MYO3B: variants seen among roughly 807,000 people sequenced by gnomAD.
MYO3B encodes the protein myosin IIIB, also known as myosin-IIIb.
MYO3B carries 156 observed loss-of-function variants against 174.6 expected under a neutral mutation model. The observed-to-expected ratio is 0.89, with a 90% CI of 0.78 to 1.02. MYO3B has a LOEUF of 1.02. Ranked by LOEUF, MYO3B falls within the 50% of genes least tolerant of loss-of-function variation. MYO3B has a pLI of 0.00. For missense variants in MYO3B, 1,632 were observed against 1,639.4 expected (o/e 1.00, Z 0.08); for synonymous variants, 563 against 569.1 (o/e 0.99, Z 0.15).
chr2:170,484,262 A>G (rs1685884812), intron 25 of MYO3B, among the ~76,000 whole-genome samples: 1 of 152,226 alleles, frequency 6.6e-6, no homozygotes, highest in Admixed American at 6.5e-5. Context: ...ACTAGCTCAA[A>G]GTTACACAGA....
At chr2:170,394,088 T>C (rs929658100) in intron 16 of MYO3B, among the ~76,000 whole-genome samples, 1 of 152,216 alleles carries the variant, frequency 6.6e-6, no homozygotes, top group African/African-American at 2.4e-5. Context: ...TTAATAATCA[T>C]TAACAGAGTT....
chr2:170,201,352 C>G (rs1285104863), intron 3 of MYO3B, among the ~76,000 whole-genome samples: 1 of 152,198 alleles, frequency 6.6e-6, no homozygotes, highest in Non-Finnish European at 1.5e-5. Flanking sequence ...TCTGAGGTCA[C>G]GTAGGTGACC....
intron 23 of MYO3B, among the ~76,000 whole-genome samples, chr2:170,457,108 C>T (rs1260152496): frequency 6.6e-6 from 1 of 152,134 alleles, no homozygotes; most frequent in East Asian, 1.9e-4. Flanking sequence ...AGTGCACTTA[C>T]CATGAATGGA....
chr2:170,298,325 A>G (rs1332424526), intron 7 of MYO3B, among the ~76,000 whole-genome samples: 1 of 152,086 alleles, frequency 6.6e-6, no homozygotes, highest in Non-Finnish European at 1.5e-5. Flanking sequence ...GCAGGAAGTG[A>G]GAATAATGTG....
chr2:170,295,286 C>A (rs963978216), intron 7 of MYO3B, among the ~76,000 whole-genome samples: 2 of 151,732 alleles, frequency 1.3e-5, no homozygotes, highest in Non-Finnish European at 2.9e-5. Context: ...TTTTTGGATT[C>A]ATTTATACCA....
At position 170,512,818 on chromosome 2, in the gene MYO3B, G is replaced by A. The variant is rs956921195; in HGVS notation, c.3371-2103G>A. ...GTAATATTTAGGAGTTCAGACTTTA[G>A]GAAAAAATTTTGTGCTTGGGTTCAA... On this transcript the variant is annotated intron_variant, in intron 28 of 34. Transcript: ENST00000408978. Among the ~76,000 whole-genome samples the A allele has an allele frequency of 2.6e-5, 4 of 152,160 alleles. No individual in the cohort carries two copies. In the South Asian group the frequency reaches 8.3e-4, roughly 32 times the overall value.
At chr2:170,575,554 G>C (rs1404680740) in intron 32 of MYO3B, among the ~76,000 whole-genome samples, 2 of 152,102 alleles carry the variant, frequency 1.3e-5, no homozygotes, top group African/African-American at 4.8e-5. Context: ...TATTATTAGT[G>C]TTTTGGGCTT....
At chr2:170,534,904 G>A (rs1046224137) in intron 30 of MYO3B, among the ~76,000 whole-genome samples, 2 of 152,140 alleles carry the variant, frequency 1.3e-5, no homozygotes, top group Non-Finnish European at 2.9e-5. Flanking sequence ...AACACATAGT[G>A]TTTTTTGCCC....
At chr2:170,479,386 A>T (rs34139582) in intron 25 of MYO3B, among the ~76,000 whole-genome samples, 1,635 of 146,820 alleles carry the variant, frequency 0.011, 11 homozygotes, top group Non-Finnish European at 0.017. Flanking sequence ...TATATAGAAT[A>T]TAATTATATT....
At chr2:170,409,167 C>G (rs975954681) in intron 22 of MYO3B, among the ~76,000 whole-genome samples, 23 of 152,226 alleles carry the variant, frequency 1.5e-4, no homozygotes, top group African/African-American at 4.1e-4. Context: ...AATCTGTTCA[C>G]AACTTCGGAA....
intron 9 of MYO3B, among the ~76,000 whole-genome samples, chr2:170,377,717 C>T (rs1279682552): frequency 1.3e-5 from 2 of 152,158 alleles, no homozygotes; most frequent in African/African-American, 4.8e-5. Context: ...AGCCAACATA[C>T]TTACAAACTC....
At chr2:170,450,985 C>A (rs571323277) in intron 23 of MYO3B, among the ~76,000 whole-genome samples, 1 of 152,182 alleles carries the variant, frequency 6.6e-6, no homozygotes, top group Non-Finnish European at 1.5e-5. Context: ...CTTCACAAAC[C>A]TTTCTAACTT....
chr2:170,316,331 C>G (rs1161466203), intron 7 of MYO3B, among the ~76,000 whole-genome samples: 1 of 152,202 alleles, frequency 6.6e-6, no homozygotes, highest in Non-Finnish European at 1.5e-5. Flanking sequence ...CTAGGAAAAT[C>G]AGCTGAAGTT....
chr2:170,279,933 G>A (rs548413320), intron 7 of MYO3B, among the ~76,000 whole-genome samples: 1 of 152,138 alleles, frequency 6.6e-6, no homozygotes, highest in Non-Finnish European at 1.5e-5. Flanking sequence ...ACATTTGTGT[G>A]CATATGTCTT....
intron 28 of MYO3B, among the ~76,000 whole-genome samples, 179 bp from the exon 29 acceptor site, chr2:170,514,742 A>G (rs1001205756): frequency 6.6e-6 from 1 of 152,210 alleles, no homozygotes; most frequent in Admixed American, 6.5e-5. Flanking sequence ...CCCTTTCTCA[A>G]CTACACTGTA....
intron 30 of MYO3B, among the ~76,000 whole-genome samples, chr2:170,541,408 G>C (rs934982483): frequency 2.6e-5 from 4 of 152,156 alleles, no homozygotes; most frequent in African/African-American, 9.7e-5. Context: ...AGAGGATTTG[G>C]AGTCAGACAA....
chr2:170,308,220 C>T (rs903303526), intron 7 of MYO3B, among the ~76,000 whole-genome samples: 8 of 152,266 alleles, frequency 5.3e-5, no homozygotes, highest in East Asian at 1.9e-4. Flanking sequence ...CTGAGAAAAA[C>T]GTGAATGTTC....
intron 32 of MYO3B, among the ~76,000 whole-genome samples, chr2:170,597,372 G>GA (rs1045370668): frequency 0.11 from 6,453 of 61,378 alleles, 328 homozygotes; most frequent in South Asian, 0.22. Context: ...CATCTCAAAA[G>GA]AAAAAAAAAA....
At chr2:170,498,855 TG>T (rs2106073620) in intron 26 of MYO3B, 152 bp downstream of exon 26, 7 of 599,542 alleles carry the variant, frequency 1.2e-5, no homozygotes, top group South Asian at 1.1e-4. Context: ...GTCAAGAGGT[TG>T]GGGACGTTAG....
Sources: allele counts gnomAD v4.1 joint callset (sites outside exome capture counted in the v4.1 genomes callset), GRCh38; gene constraint gnomAD v4.1.1; transcripts MANE v1.5; gene names NCBI Gene and HGNC (gene_info 2026-07-23, HGNC 2026-07-21).